The following UBE3D variants were observed in gnomAD, a reference collection of about 807,000 sequenced individuals.
UBE3D encodes ubiquitin protein ligase E3D.
UBE3D carries 48 observed loss-of-function variants against 49.6 expected under a neutral mutation model. The observed-to-expected ratio is 0.97, with a 90% CI of 0.77 to 1.23. The LOEUF (loss-of-function observed/expected upper bound fraction) is 1.23. Ranked by LOEUF, UBE3D falls within the 50% of genes most tolerant of loss-of-function variation. The pLI, the probability that UBE3D is intolerant of heterozygous loss-of-function variation, is 0.00. For missense variants in UBE3D, 452 were observed against 468.4 expected (o/e 0.96, Z 0.32); for synonymous variants, 189 against 174.2 (o/e 1.08, Z -0.67).
At chr6:82,909,490 A>G (rs1772345039) in intron 9 of UBE3D, among the ~76,000 whole-genome samples, 1 of 152,222 alleles carries the variant, frequency 6.6e-6, no homozygotes, top group African/African-American at 2.4e-5. Context: ...ATGCCTCCAG[A>G]GGAGATGCTG....
chr6:82,903,354 GAT>G (rs1437608559), intron 9 of UBE3D, among the ~76,000 whole-genome samples: 1 of 152,114 alleles, frequency 6.6e-6, no homozygotes, highest in African/African-American at 2.4e-5. Context: ...AGAAAGAAGA[GAT>G]AGAATGGCAA....
chr6:83,005,746 T>C (rs1356866522), intron 8 of UBE3D, among the ~76,000 whole-genome samples: 2 of 151,986 alleles, frequency 1.3e-5, no homozygotes, highest in Non-Finnish European at 2.9e-5. Flanking sequence ...AAATGTCCAC[T>C]GACAGACGAA....
At chr6:82,937,221 A>G (rs1774644982) in intron 9 of UBE3D, among the ~76,000 whole-genome samples, 1 of 152,220 alleles carries the variant, frequency 6.6e-6, no homozygotes, top group South Asian at 2.1e-4. Flanking sequence ...AGGGCTCACA[A>G]GAGGTTCTCA....
At chr6:82,890,291 T>C (rs934934620), downstream of UBE3D, among the ~76,000 whole-genome samples, 1 of 152,122 alleles carries the variant, frequency 6.6e-6, no homozygotes, top group Admixed American at 6.5e-5. Flanking sequence ...AACAAAAAGA[T>C]AGAAAGAGCC....
downstream of UBE3D, among the ~76,000 whole-genome samples, chr6:82,888,664 C>G (rs1053686781): frequency 2.0e-5 from 3 of 152,028 alleles, no homozygotes; most frequent in Non-Finnish European, 4.4e-5. Flanking sequence ...CCAAAGGATC[C>G]TAGAATAAGG....
intron 9 of UBE3D, among the ~76,000 whole-genome samples, chr6:82,917,259 C>T (rs143886309): frequency 7.1e-4 from 108 of 152,174 alleles, no homozygotes; most frequent in African/African-American, 2.4e-3. Flanking sequence ...GCAAGACTAG[C>T]GCAAATGTTA....
chr6:82,985,915 A>C (rs1175456200), intron 8 of UBE3D, among the ~76,000 whole-genome samples: 1 of 152,200 alleles, frequency 6.6e-6, no homozygotes, highest in Non-Finnish European at 1.5e-5. Flanking sequence ...GAATTATAGT[A>C]TCTTAATAAT....
At chr6:83,049,086 G>T (rs750729107) in intron 3 of UBE3D, among the ~76,000 whole-genome samples, 7 of 152,172 alleles carry the variant, frequency 4.6e-5, no homozygotes, top group Non-Finnish European at 1.5e-5. Context: ...AAATGATATT[G>T]ATGTTTAATA....
intron 9 of UBE3D, among the ~76,000 whole-genome samples, chr6:82,926,124 A>G (rs1194927392): frequency 6.6e-6 from 1 of 152,188 alleles, no homozygotes; most frequent in East Asian, 1.9e-4. Context: ...GCCCCTTTCA[A>G]TTCACCTGAC....
chr6:82,920,288 C>T (rs1372792430), intron 9 of UBE3D, among the ~76,000 whole-genome samples: 1 of 152,088 alleles, frequency 6.6e-6, no homozygotes, highest in Admixed American at 6.5e-5. Flanking sequence ...CCAGAAAAAT[C>T]CTTGGGAAGT....
intron 9 of UBE3D, among the ~76,000 whole-genome samples, chr6:82,951,150 A>G (rs1000135404): frequency 3.3e-5 from 5 of 152,224 alleles, no homozygotes; most frequent in African/African-American, 1.2e-4. Context: ...GAGGTGACAG[A>G]TACCATATTT....
intron 7 of UBE3D, among the ~76,000 whole-genome samples, chr6:83,020,516 C>A (rs938881972): frequency 6.6e-6 from 1 of 151,814 alleles, no homozygotes; most frequent in African/African-American, 2.4e-5. Context: ...CTTCATGTTC[C>A]CTGATTGTGT....
chr6:82,932,808 C>T (rs536803676), intron 9 of UBE3D, among the ~76,000 whole-genome samples: 7 of 152,132 alleles, frequency 4.6e-5, no homozygotes, highest in Non-Finnish European at 8.8e-5. Flanking sequence ...TGATTACTAC[C>T]CAATTGCCAT....
At chr6:83,030,802 G>T (rs1230104096) in intron 5 of UBE3D, among the ~76,000 whole-genome samples, 1 of 152,140 alleles carries the variant, frequency 6.6e-6, no homozygotes, top group Non-Finnish European at 1.5e-5. Context: ...TTGTTGAATG[G>T]TTTTGGCCAA....
At chr6:82,934,630 A>C (rs1402123996) in intron 9 of UBE3D, among the ~76,000 whole-genome samples, 3 of 152,060 alleles carry the variant, frequency 2.0e-5, no homozygotes, top group Non-Finnish European at 2.9e-5. Context: ...GCAAATCAAA[A>C]TTCCAAAACA....
chr6:82,931,380 C>A (rs1448694110), intron 9 of UBE3D, among the ~76,000 whole-genome samples: 7 of 152,182 alleles, frequency 4.6e-5, no homozygotes, highest in Non-Finnish European at 1.0e-4. Context: ...GAGAAAAGGG[C>A]CACTGTCAAC....
Position 83,024,249 on chromosome 6 carries a change from A to G in UBE3D, c.668-211T>C, listed in dbSNP as rs1464387224. ...AGTTCTGAAGCTTCTGTGTCTTTTT[A>G]GAAAATAATGCCCAGAGACTCTGCT... On this transcript the variant is annotated intron_variant, in intron 5 of 9. Transcript: ENST00000369747. Among the ~76,000 whole-genome samples, 3 of 152,218 alleles carry G rather than the reference A, an allele frequency of 2.0e-5. No homozygotes were observed. The East Asian group carries it at 5.8e-4, about 29-fold the overall frequency.
At chr6:83,014,167 A>G (rs1008514982) in intron 8 of UBE3D, among the ~76,000 whole-genome samples, 2 of 152,242 alleles carry the variant, frequency 1.3e-5, no homozygotes, top group African/African-American at 4.8e-5. Context: ...ACTTACAATA[A>G]TCCACTGTCG....
chr6:83,050,647 T>C (rs1783412493), intron 3 of UBE3D, among the ~76,000 whole-genome samples: 1 of 152,204 alleles, frequency 6.6e-6, no homozygotes, highest in South Asian at 2.1e-4. Flanking sequence ...AAGTTGTCCT[T>C]ACCACTCACA....
Sources: gnomAD v4.1 joint callset for allele counts (sites outside exome capture counted in the v4.1 genomes callset) on GRCh38, gnomAD v4.1.1 for gene constraint, MANE v1.5 for transcripts, NCBI Gene and HGNC (gene_info 2026-07-23, HGNC 2026-07-21) for gene names.